ABCC12: variants seen among roughly 807,000 people sequenced by gnomAD.
The protein encoded by ABCC12 is ATP-binding cassette sub-family C member 12.
A neutral mutation model predicts 151.1 loss-of-function variants in ABCC12; 142 were observed. The ratio of observed to expected loss-of-function variants is 0.94; its 90% confidence interval spans 0.82 to 1.08. The LOEUF (loss-of-function observed/expected upper bound fraction) is 1.08, where lower values mean the gene tolerates loss of function less well. Among genes scored for constraint, ABCC12 ranks in the 50% least tolerant of loss-of-function variants. The probability of loss-of-function intolerance (pLI) is 0.00; values close to 1 mark genes in which losing one functional copy is unlikely to be tolerated. For missense variants in ABCC12, 1,638 were observed against 1,691.1 expected (o/e 0.97, Z 0.55); for synonymous variants, 645 against 646.4 (o/e 1.00, Z 0.03).
At chr16:48,145,230 T>C (rs1226166296) in intron 3 of ABCC12, among the ~76,000 whole-genome samples, 1 of 152,218 alleles carries the variant, frequency 6.6e-6, no homozygotes, top group Non-Finnish European at 1.5e-5. Flanking sequence ...TGGGAGAAGA[T>C]AACGCAGTGT....
At chr16:48,110,012 G>T (rs1457304508) in intron 18 of ABCC12, among the ~76,000 whole-genome samples, 2 of 152,238 alleles carry the variant, frequency 1.3e-5, no homozygotes, top group Non-Finnish European at 2.9e-5. Flanking sequence ...TCTCCAGAGA[G>T]GGGTGAGTGA....
chr16:48,133,741 G>T lies in ABCC12; in HGVS notation c.1074C>A (p.Ile358=), dbSNP rs941006738. The stretch of plus-strand genomic sequence containing the variant: ...GGATGTGGCAGGATAATGTCAGCAC[G>T]ATGGCTATGGTGGACACGATGGGGG... ...ALAPIVSTIA[I]VLTLSCHILL... The change falls in exon 9 of 31, where the codon ATC becomes ATA. Residue 358 remains isoleucine, a synonymous_variant. Transcript: ENST00000311303. 2.5e-6 allele frequency: 4 copies of T among 1,613,988 alleles called. No homozygotes were observed. The East Asian group carries it at 6.7e-5, about 27-fold the overall frequency.
chr16:48,145,434 A>T lies in ABCC12; in HGVS notation c.119+872T>A, dbSNP rs372779426. ...CAGACTACCTGAGTTTCTATCCTGGATTTCAAAAATGACCCCGTTTTCTCT... is the reference window on the plus strand; with the variant it reads ...CAGACTACCTGAGTTTCTATCCTGGTTTTCAAAAATGACCCCGTTTTCTCT... On this transcript the variant is annotated intron_variant, in intron 3 of 30. Transcript: ENST00000311303. Among the ~76,000 whole-genome samples the T allele has an allele frequency of 2.3e-4, 35 of 152,316 alleles. No individual in the cohort carries two copies. The East Asian group carries it at 3.9e-3, about 17-fold the overall frequency.
chr16:48,103,104 C>T (rs1030151290), intron 22 of ABCC12, among the ~76,000 whole-genome samples: 4 of 152,168 alleles, frequency 2.6e-5, no homozygotes, highest in African/African-American at 9.7e-5. Context: ...AGGATCTGAG[C>T]GTGAAAACCA....
At chr16:48,155,665 G>A (rs1011814174) in intron 1 of ABCC12, among the ~76,000 whole-genome samples, 176 bp downstream of exon 1, 8 of 152,134 alleles carry the variant, frequency 5.3e-5, no homozygotes, top group Non-Finnish European at 7.3e-5. Flanking sequence ...TGGGAGCCTC[G>A]TCCCTGCTGC....
chr16:48,154,440 C>T (rs74018297), intron 1 of ABCC12, among the ~76,000 whole-genome samples: 6,187 of 152,156 alleles, frequency 0.041, 391 homozygotes, highest in African/African-American at 0.14. Context: ...CATGTGGTGA[C>T]AATCCACTTA....
intron 26 of ABCC12, 86 bp from the exon 27 acceptor site, chr16:48,088,171 A>AT: frequency 6.9e-7 from 1 of 1,444,108 alleles, no homozygotes; most frequent in Non-Finnish European, 9.5e-7. Context: ...GGGATTTTTA[A>AT]TGCAATGCAA....
intron 26 of ABCC12, 82 bp downstream of exon 26, chr16:48,088,463 C>A (rs954734913): frequency 1.4e-5 from 21 of 1,473,366 alleles, no homozygotes; most frequent in Admixed American, 2.0e-5. Flanking sequence ...ACACATCACT[C>A]TCTGGTGTGA....
chr16:48,133,453 G>A (rs929711731), intron 9 of ABCC12, among the ~76,000 whole-genome samples: 2 of 151,658 alleles, frequency 1.3e-5, no homozygotes, highest in South Asian at 4.2e-4. Flanking sequence ...TTGAACCCAG[G>A]AGGCAGAGGT....
chr16:48,101,055 T>G (rs769332846), intron 22 of ABCC12, 46 bp from the exon 23 acceptor site: 4 of 1,599,854 alleles, frequency 2.5e-6, no homozygotes, highest in Non-Finnish European at 2.6e-6. Context: ...AAGTGAGGTC[T>G]CATCAGGCTT....
rs16945901 is a variant in ABCC12, at chr16:48,146,400, T to G, written c.25A>C (p.Ile9Leu). The G allele has an allele frequency of 6.0e-3, 9,625 of 1,614,140 alleles. 457 individuals carry two copies. In the African/African-American group the frequency reaches 0.11, roughly 19 times the overall value. ...CGGCCTCGCTGGTCCAGATCTGAGA[T>G]AAGGTAGGGTCCTTCACCCACCATC... is the stretch of plus-strand genomic sequence containing the variant. Reference protein sequence around the residue: MVGEGPYLISDLDQRGRRR... With the variant: MVGEGPYLLSDLDQRGRRR... Residue 9 changes from isoleucine (I) to leucine (L), a missense_variant, in exon 3 of 31, where the codon ATC becomes CTC. Transcript: ENST00000311303.
chr16:48,084,289 G>A (rs908730051), intron 29 of ABCC12, among the ~76,000 whole-genome samples: 2 of 152,210 alleles, frequency 1.3e-5, no homozygotes, highest in African/African-American at 4.8e-5. Flanking sequence ...GAACTTGCTA[G>A]AGGGACAAGG....
chr16:48,115,454 G>A lies in ABCC12; in HGVS notation c.1950C>T (p.Leu650=). The A allele has an allele frequency of 1.2e-6, 2 of 1,614,128 alleles. No homozygotes were observed. The highest frequency in any genetic ancestry group is 1.7e-6 in the Non-Finnish European group (2 of 1,179,986). Residue 650 remains leucine (L), a synonymous_variant, in exon 15 of 31, where the codon CTC becomes CTT. Coordinates refer to ENST00000311303, the MANE Select transcript of ABCC12 (RefSeq NM_001393797.1). The part of the protein sequence containing the change: ...HVFEECIKKT[L]RGKTVVLVTH... Reference sequence around the variant, plus strand: ...TCACCAGGACGACTGTCTTTCCCCTGAGCGTCTTCTTAATGCACTCCTCAA... The same window carrying A: ...TCACCAGGACGACTGTCTTTCCCCTAAGCGTCTTCTTAATGCACTCCTCAA...
At chr16:48,152,820 G>C (rs1485604251) in intron 2 of ABCC12, among the ~76,000 whole-genome samples, 1 of 152,198 alleles carries the variant, frequency 6.6e-6, no homozygotes, top group African/African-American at 2.4e-5. Flanking sequence ...CAAGTGGCCT[G>C]TGCTCTTCAA....
intron 14 of ABCC12, among the ~76,000 whole-genome samples, chr16:48,116,373 T>A (rs1465997811): frequency 6.6e-6 from 1 of 152,152 alleles, no homozygotes; most frequent in Non-Finnish European, 1.5e-5. Flanking sequence ...CAAGCAGAAT[T>A]TCACAAGCGC....
chr16:48,098,890 TG>T (rs1260678879), intron 23 of ABCC12, among the ~76,000 whole-genome samples: 1 of 152,166 alleles, frequency 6.6e-6, no homozygotes, highest in Non-Finnish European at 1.5e-5. Context: ...AAAGTTTGCA[TG>T]TGTGTTTGTT....
At chr16:48,120,489 A>T (rs527758237) in intron 13 of ABCC12, among the ~76,000 whole-genome samples, 1 of 152,200 alleles carries the variant, frequency 6.6e-6, no homozygotes, top group South Asian at 2.1e-4. Flanking sequence ...GAAAACTCAA[A>T]CATTTCAGAA....
chr16:48,084,990 G>A (rs1421591237), intron 29 of ABCC12, among the ~76,000 whole-genome samples: 7 of 151,860 alleles, frequency 4.6e-5, no homozygotes, highest in Non-Finnish European at 1.0e-4. Flanking sequence ...GCTGGATATG[G>A]AGACTACACT....
chr16:48,133,046 A>C (rs943696656), intron 9 of ABCC12, among the ~76,000 whole-genome samples: 1 of 152,156 alleles, frequency 6.6e-6, no homozygotes, highest in Non-Finnish European at 1.5e-5. Context: ...AAATTTTCTC[A>C]AACTCTCCTT....
Sources: gnomAD v4.1 joint callset for allele counts (sites outside exome capture counted in the v4.1 genomes callset) on GRCh38, gnomAD v4.1.1 for gene constraint, MANE v1.5 for transcripts, NCBI Gene and HGNC (gene_info 2026-07-23, HGNC 2026-07-21) for gene names.